Variants in ALPK2 observed in about 807,000 individuals in gnomAD.
The protein encoded by ALPK2 is alpha kinase 2.
A neutral mutation model predicts 163.1 loss-of-function variants in ALPK2; 127 were observed. The observed-to-expected ratio is 0.78, with a 90% CI of 0.67 to 0.90. The LOEUF is 0.90. Among genes scored for constraint, ALPK2 ranks in the 40% least tolerant of loss-of-function variants. The pLI is 0.00. For missense variants in ALPK2, 2,360 were observed against 2,589.6 expected (o/e 0.91, Z 1.92); for synonymous variants, 953 against 959.1 (o/e 0.99, Z 0.12).
chr18:58,580,726 C>A, intron 3 of ALPK2, 178 bp from the exon 4 acceptor site: 1 of 632,356 alleles, frequency 1.6e-6, no homozygotes, highest in Non-Finnish European at 2.7e-6. Flanking sequence ...TCCGGTGCCC[C>A]TAGTGCTGAG....
chr18:58,538,465 C>T (rs1471180131), intron 4 of ALPK2: 1 of 462,450 alleles, frequency 2.2e-6, no homozygotes, highest in South Asian at 4.2e-5. Context: ...AGCAAAAAGC[C>T]TCCTGACAAC....
At chr18:58,515,740 G>A (rs773080658) in intron 9 of ALPK2, among the ~76,000 whole-genome samples, 1 of 152,218 alleles carries the variant, frequency 6.6e-6, no homozygotes, top group African/African-American at 2.4e-5. Flanking sequence ...TGGCAGTGCC[G>A]CAGGATCACG....
chr18:58,597,698 C>G (rs1430871685), intron 3 of ALPK2, among the ~76,000 whole-genome samples: 3 of 152,198 alleles, frequency 2.0e-5, no homozygotes, highest in Admixed American at 2.0e-4. Context: ...CTGTATATAG[C>G]CAGAACACTT....
rs747050213 is a variant in ALPK2, at chr18:58,578,915, A to G, written c.1861T>C (p.Ser621Pro). Residue 621 changes from serine (S) to proline (P), a missense_variant, in exon 4 of 13, where the codon TCA becomes CCA. Transcript: ENST00000361673. ...TTTGTGTTGCCTTCTTTGGAGACTG[A>G]GTCTGTTGAAGTTTGAAGGGTTTTT... Reference protein sequence around the residue: ...EAKTLQTSTDSVSKEGNTNCK... With the variant: ...EAKTLQTSTDPVSKEGNTNCK... The G allele has an allele frequency of 1.9e-5, 31 of 1,614,020 alleles. No homozygotes were observed. Among genetic ancestry groups the G allele is most frequent in the Non-Finnish European group, 2.4e-5 (28 of 1,180,042 alleles).
intron 8 of ALPK2, among the ~76,000 whole-genome samples, chr18:58,520,672 A>T (rs1193809083): frequency 6.6e-6 from 1 of 152,134 alleles, no homozygotes; most frequent in African/African-American, 2.4e-5. Flanking sequence ...ACAAAATAAC[A>T]TCATTAAATT....
intron 4 of ALPK2, among the ~76,000 whole-genome samples, chr18:58,538,962 G>A (rs757751799): frequency 1.4e-5 from 2 of 145,678 alleles, no homozygotes; most frequent in South Asian, 2.2e-4. Context: ...GCCTCCCATC[G>A]TGAGTTGGAA....
chr18:58,509,489 T>C (rs1324238817), intron 10 of ALPK2, among the ~76,000 whole-genome samples: 3 of 151,952 alleles, frequency 2.0e-5, no homozygotes, highest in Admixed American at 6.6e-5. Context: ...AACTAGTTTA[T>C]AGTCCCACCA....
Position 58,571,460 on chromosome 18 carries a change from C to A in ALPK2, c.1962+7354G>T, listed in dbSNP as rs1245856287. Among the ~76,000 whole-genome samples the A allele has an allele frequency of 3.5e-5, 5 of 144,566 alleles. No homozygotes were observed. The East Asian group carries it at 1.0e-3, about 30-fold the overall frequency. 94.8% of individuals were successfully genotyped at this position (144,566 alleles called of 152,430 possible). Reference sequence around the variant, plus strand: ...AAAAAAAAAAGAACCTTAACCTAAACCTCATACTTTCTACAAAAATCAACT... The same window carrying A: ...AAAAAAAAAAGAACCTTAACCTAAAACTCATACTTTCTACAAAAATCAACT... On this transcript the variant is annotated intron_variant, in intron 4 of 12. Transcript: ENST00000361673.
At chr18:58,607,294 A>G (rs1208883115) in intron 3 of ALPK2, 28 bp downstream of exon 3, 5 of 1,489,450 alleles carry the variant, frequency 3.4e-6, no homozygotes, top group Non-Finnish European at 4.6e-6. Flanking sequence ...GATATTAGTA[A>G]ACAGTCCACA....
chr18:58,582,910 A>G (rs1448548407), intron 3 of ALPK2, among the ~76,000 whole-genome samples: 1 of 152,140 alleles, frequency 6.6e-6, no homozygotes, highest in Non-Finnish European at 1.5e-5. Context: ...GAAATTGTTG[A>G]GTTAAGATAA....
At chr18:58,529,964 G>A (rs2051604246) in intron 5 of ALPK2, among the ~76,000 whole-genome samples, 1 of 152,234 alleles carries the variant, frequency 6.6e-6, no homozygotes, top group Admixed American at 6.5e-5. Flanking sequence ...ACAAGACAAG[G>A]ATGAGGCCCC....
At chr18:58,505,889 G>A (rs1158597143) in intron 10 of ALPK2, among the ~76,000 whole-genome samples, 1 of 151,852 alleles carries the variant, frequency 6.6e-6, no homozygotes, top group Non-Finnish European at 1.5e-5. Context: ...TTTCTGATAC[G>A]GCTTTCCCTG....
intron 4 of ALPK2, among the ~76,000 whole-genome samples, chr18:58,538,822 CAG>C: frequency 6.6e-6 from 1 of 152,250 alleles, no homozygotes; most frequent in Non-Finnish European, 1.5e-5. Flanking sequence ...TGCCATCCCT[CAG>C]GGGTGGGGGG....
chr18:58,546,454 A>G (rs770320015), intron 4 of ALPK2, among the ~76,000 whole-genome samples: 4 of 152,214 alleles, frequency 2.6e-5, no homozygotes, highest in Non-Finnish European at 5.9e-5. Flanking sequence ...AGCCATGAGC[A>G]TATGAATTTA....
intron 4 of ALPK2, among the ~76,000 whole-genome samples, chr18:58,556,558 G>A (rs1024238302): frequency 6.6e-6 from 1 of 152,198 alleles, no homozygotes; most frequent in African/African-American, 2.4e-5. Flanking sequence ...ATTAGCTACG[G>A]GGTGGTGGAG....
chr18:58,550,904 TCA>T, intron 4 of ALPK2, among the ~76,000 whole-genome samples: 1 of 143,796 alleles, frequency 7.0e-6, no homozygotes, highest in South Asian at 2.4e-4. Context: ...CCCACCTCCA[TCA>T]CATGCAACCC....
At chr18:58,497,348 A>T (rs531023303) in intron 12 of ALPK2, among the ~76,000 whole-genome samples, 1 of 152,312 alleles carries the variant, frequency 6.6e-6, no homozygotes, top group Non-Finnish European at 1.5e-5. Context: ...TGGTTCCAAC[A>T]CAGAATTGCA....
At position 58,578,767 on chromosome 18, in the gene ALPK2, C is replaced by T. The variant is rs962177993; in HGVS notation, c.1962+47G>A. The T allele has an allele frequency of 1.3e-5, 20 of 1,561,776 alleles. No homozygotes were observed. The Admixed American group carries it at 3.5e-4, about 27-fold the overall frequency. On this transcript the variant is annotated intron_variant, in intron 4 of 12. Transcript: ENST00000361673. ...ACACACACACACACACACACACACA[C>T]ACACGGTTCTTTTTATCTCGTAATT...
intron 4 of ALPK2, among the ~76,000 whole-genome samples, chr18:58,554,104 G>A (rs960689454): frequency 2.6e-5 from 4 of 151,984 alleles, no homozygotes; most frequent in African/African-American, 7.3e-5. Flanking sequence ...CAAGTGATCC[G>A]CTGCCTCGGC....
Sources: allele counts gnomAD v4.1 joint callset (sites outside exome capture counted in the v4.1 genomes callset), GRCh38; gene constraint gnomAD v4.1.1; transcripts MANE v1.5; gene names NCBI Gene and HGNC (gene_info 2026-07-23, HGNC 2026-07-21).